CD99L2: variants seen among roughly 807,000 people sequenced by gnomAD.
The protein encoded by CD99L2 is CD99 molecule like 2, also known as CD99 antigen-like protein 2.
Under a neutral mutation model 27.3 loss-of-function variants are expected in CD99L2, and 24 were observed. The ratio of observed to expected loss-of-function variants is 0.88; its 90% CI spans 0.64 to 1.24. The LOEUF (loss-of-function observed/expected upper bound fraction) is 1.24. Among genes scored for constraint, CD99L2 ranks in the 50% most tolerant of loss-of-function variants. CD99L2 has a pLI of 0.00. For synonymous variants in CD99L2, 97 were observed against 87.9 expected (o/e 1.10, Z -0.58); for missense variants, 255 against 221.6 (o/e 1.15, Z -0.96).
At chrX:150,829,297 T>G (rs1489630485) in intron 2 of CD99L2, 1 of 285,063 alleles carries the variant, frequency 3.5e-6, no homozygotes, top group Non-Finnish European at 6.7e-6. Flanking sequence ...CAAGATGAGA[T>G]CATCCTGGAT....
At chrX:150,795,379 A>C (rs1557419875) in intron 5 of CD99L2, 39 bp downstream of exon 5, 1 of 1,205,972 alleles carries the variant, frequency 8.3e-7, no homozygotes, top group Admixed American at 2.2e-5. Flanking sequence ...GCCCCATGGG[A>C]TCCTTGCCTT....
chrX:150,766,741 C>T lies in CD99L2; in HGVS notation c.*2293G>A, dbSNP rs781829540. 3 of 112,106 alleles carry T rather than the reference C, an allele frequency of 2.7e-5. No individual in the cohort carries two copies. Among genetic ancestry groups the T allele is most frequent in the Admixed American group, 9.4e-5 (1 of 10,618 alleles). The allele number at this position is 112,106 out of a possible 1,213,427, so 9.2% of individuals were successfully genotyped here. On this transcript the variant is annotated 3_prime_UTR_variant, in exon 11 of 11. Coordinates refer to ENST00000370377, the MANE Select transcript of CD99L2 (RefSeq NM_031462.4). ...AGATAGACACATGGTGACCAGAGCC[C>T]GCCAGGCTTCTGCAGGTGGCAGTGT...
chrX:150,833,454 A>G (rs1333869734), intron 1 of CD99L2, among the ~76,000 whole-genome samples: 3 of 111,993 alleles, frequency 2.7e-5, no homozygotes, highest in Non-Finnish European at 5.6e-5. Context: ...ATGGAAAAAA[A>G]TCCTAAAATT....
At chrX:150,848,921 C>A (rs782740811) in intron 1 of CD99L2, among the ~76,000 whole-genome samples, 8 of 111,423 alleles carry the variant, frequency 7.2e-5, no homozygotes, top group Non-Finnish European at 1.5e-4. Flanking sequence ...CCCCTGCTGT[C>A]GTATGCTCCT....
chrX:150,822,126 T>C (rs1188307391), intron 2 of CD99L2, among the ~76,000 whole-genome samples: 4 of 112,293 alleles, frequency 3.6e-5, no homozygotes, highest in African/African-American at 1.3e-4. Context: ...CAAATGTCCA[T>C]CAACTGATGA....
chrX:150,789,801 C>T (rs1195437874), intron 7 of CD99L2, among the ~76,000 whole-genome samples: 3 of 111,902 alleles, frequency 2.7e-5, no homozygotes, highest in African/African-American at 9.7e-5. Context: ...GGGAGGATTG[C>T]TTGAGCTCAG....
At position 150,777,447 on chromosome X, in the gene CD99L2, A is replaced by G. The variant is rs1557419296; in HGVS notation, c.532T>C (p.Ser178Pro). Residue 178 changes from serine to proline, a missense_variant, in exon 8 of 11, where the codon TCT becomes CCT. By Grantham distance (74) the Ser-to-Pro change is moderately conservative. Transcript: ENST00000370377. ...GRYGSNDDPGSGMVAEPGTIA... is the reference protein window; with the variant it reads ...GRYGSNDDPGPGMVAEPGTIA... ...GCCTCAGGATTCAGAAACCCACCAG[A>G]TCCAGGGTCGTCATTGCTGCCGTAC... 1.7e-5 allele frequency: 20 copies of G among 1,211,660 alleles called. No homozygotes were observed. The highest frequency in any genetic ancestry group is 2.2e-5 in the Non-Finnish European group (20 of 895,437).
Position 150,887,540 on chromosome X carries a change from G to C in CD99L2, c.67+10982C>G, listed in dbSNP as rs782781168. 4.8e-4 allele frequency among the ~76,000 whole-genome samples: 53 copies of C among 110,667 alleles called. No homozygotes were observed. In the East Asian group the frequency reaches 0.014, roughly 28 times the overall value. On this transcript the variant is annotated intron_variant, in intron 1 of 10. Transcript: ENST00000370377. ...GGACTCTTCTTCCAGGTGAAGAAGGGCAAATCCCCAGGCTGCCCCACCTTG... is the reference window on the plus strand; with the variant it reads ...GGACTCTTCTTCCAGGTGAAGAAGGCCAAATCCCCAGGCTGCCCCACCTTG...
chrX:150,779,479 G>T, intron 7 of CD99L2, among the ~76,000 whole-genome samples: 1 of 112,598 alleles, frequency 8.9e-6, no homozygotes, highest in Non-Finnish European at 1.9e-5. Flanking sequence ...AGTCATCTTA[G>T]ATCCTTCTGT....
At chrX:150,823,639 T>C (rs2124204516) in intron 2 of CD99L2, among the ~76,000 whole-genome samples, 1 of 111,590 alleles carries the variant, frequency 9.0e-6, no homozygotes, top group South Asian at 3.8e-4. Context: ...TCATAGAGGA[T>C]GAGAAGTCCA....
chrX:150,867,888 G>GTC (rs2047089604), intron 1 of CD99L2, among the ~76,000 whole-genome samples: 1 of 36,587 alleles, frequency 2.7e-5, no homozygotes, highest in Non-Finnish European at 4.3e-5. Flanking sequence ...GTGAGACTCT[G>GTC]TCTCAAAAAA....
At chrX:150,815,008 C>A in intron 3 of CD99L2, 72 bp from the exon 4 acceptor site, 1 of 1,065,901 alleles carries the variant, frequency 9.4e-7, no homozygotes, top group Non-Finnish European at 1.3e-6. Context: ...CCAAAATAAG[C>A]AAAATGCCCA....
At chrX:150,788,798 G>A (rs1186610003) in intron 7 of CD99L2, among the ~76,000 whole-genome samples, 2 of 111,710 alleles carry the variant, frequency 1.8e-5, no homozygotes, top group Non-Finnish European at 3.8e-5. Flanking sequence ...AGGTCATATG[G>A]CAAGTCTATG....
At chrX:150,818,756 C>T in intron 2 of CD99L2, 1 of 245,266 alleles carries the variant, frequency 4.1e-6, no homozygotes, top group East Asian at 9.9e-5. Context: ...AACCCCGGTC[C>T]AGTCCACTGT....
At position 150,804,564 on chromosome X, in the gene CD99L2, C is replaced by T. The variant is rs185976049; in HGVS notation, c.278-9078G>A. On this transcript the variant is annotated intron_variant, in intron 4 of 10. Coordinates refer to ENST00000370377, the MANE Select transcript of CD99L2 (RefSeq NM_031462.4). ...GTTCGAGAACAGCCTGGCCAAGAGA[C>T]CAGCCTGGCCAACATGGTGAAACCC... 5.1e-3 allele frequency among the ~76,000 whole-genome samples: 568 copies of T among 110,499 alleles called. 7 individuals are homozygous for T. The highest frequency in any genetic ancestry group is 0.017 in the African/African-American group (532 of 30,414).
At chrX:150,876,579 A>G (rs186842552) in intron 1 of CD99L2, among the ~76,000 whole-genome samples, 2 of 112,577 alleles carry the variant, frequency 1.8e-5, no homozygotes, top group Admixed American at 1.9e-4. Flanking sequence ...ACCAACACCT[A>G]GCATGTGCCT....
chrX:150,802,935 G>T (rs1248804877), intron 4 of CD99L2, among the ~76,000 whole-genome samples: 1 of 71,919 alleles, frequency 1.4e-5, no homozygotes, highest in Non-Finnish European at 2.5e-5. Context: ...TCACTTTGTC[G>T]CCCAGGCTGG....
At chrX:150,788,899 C>T (rs924272755) in intron 7 of CD99L2, among the ~76,000 whole-genome samples, 15 of 112,064 alleles carry the variant, frequency 1.3e-4, no homozygotes, top group Non-Finnish European at 2.6e-4. Context: ...TCTTGTTGCT[C>T]TGCATCCTCA....
intron 1 of CD99L2, among the ~76,000 whole-genome samples, chrX:150,862,812 G>T (rs1207498712): frequency 9.2e-6 from 1 of 108,500 alleles, no homozygotes; most frequent in Non-Finnish European, 1.9e-5. Flanking sequence ...AACCAGGTGC[G>T]AAAGAAAGAA....
Sources: gnomAD v4.1 joint callset for allele counts (sites outside exome capture counted in the v4.1 genomes callset) on GRCh38, gnomAD v4.1.1 for gene constraint, MANE v1.5 for transcripts, NCBI Gene and HGNC (gene_info 2026-07-23, HGNC 2026-07-21) for gene names.